ELOVL5: variants seen among roughly 807,000 people sequenced by gnomAD.
The protein encoded by ELOVL5 is ELOVL fatty acid elongase 5, also known as very long chain fatty acid elongase 5.
ELOVL5 carries 8 observed loss-of-function variants against 38.6 expected under a neutral mutation model. The ratio of observed to expected loss-of-function variants is 0.21; its 90% CI spans 0.12 to 0.37. The LOEUF is 0.37. Ranked by LOEUF, ELOVL5 falls within the 10% of genes least tolerant of loss-of-function variation. The probability of loss-of-function intolerance (pLI) is 1.00; values close to 1 mark genes in which losing one functional copy is unlikely to be tolerated. For synonymous variants in ELOVL5, 127 were observed against 133.7 expected (o/e 0.95, Z 0.34); for missense variants, 280 against 367.8 (o/e 0.76, Z 1.95).
chr6:53,339,887 G>A (rs1738279136), intron 1 of ELOVL5, among the ~76,000 whole-genome samples: 1 of 152,158 alleles, frequency 6.6e-6, no homozygotes, highest in African/African-American at 2.4e-5. Flanking sequence ...CCAGAAGAAG[G>A]CATTGTTGTC....
intron 2 of ELOVL5, among the ~76,000 whole-genome samples, chr6:53,293,924 C>T (rs1006053226): frequency 3.3e-5 from 5 of 152,186 alleles, no homozygotes; most frequent in Admixed American, 6.5e-5. Flanking sequence ...AGGGAAATGG[C>T]TGGCCCCAGG....
intron 1 of ELOVL5, among the ~76,000 whole-genome samples, chr6:53,318,332 G>A (rs947545988): frequency 6.6e-6 from 1 of 152,166 alleles, no homozygotes; most frequent in African/African-American, 2.4e-5. Flanking sequence ...GCGAGTACAT[G>A]TCTGAAAACC....
chr6:53,335,404 C>A (rs1255340737), intron 1 of ELOVL5, among the ~76,000 whole-genome samples: 1 of 152,176 alleles, frequency 6.6e-6, no homozygotes, highest in Non-Finnish European at 1.5e-5. Context: ...CTACCTGCCC[C>A]CTTTGCCTCC....
rs575754470 is a variant in ELOVL5 at position 53,291,973 on chromosome 6, T to TA, written c.59-11dup. 8.4e-4 allele frequency: 1,205 copies of TA among 1,436,404 alleles called. 12 individuals carry two copies. In the African/African-American group the frequency reaches 0.015, roughly 18 times the overall value. 89.0% of individuals were successfully genotyped at this position (1,436,404 alleles called of 1,614,324 possible). A position where few individuals can be genotyped will look rare whatever the true frequency, so the allele number is the denominator to read the frequency against. ...CCTTTTACTCTAGTATCTGAAAAAT[T>TA]AAAAAAAATTAATGATATATAAAAA... is the stretch of plus-strand genomic sequence containing the variant. On this transcript the variant is annotated splice_polypyrimidine_tract_variant and intron_variant, in intron 2 of 7. Coordinates refer to ENST00000304434, the MANE Select transcript of ELOVL5 (RefSeq NM_021814.5).
chr6:53,324,268 A>AG (rs1768420598), intron 1 of ELOVL5, among the ~76,000 whole-genome samples: 1 of 130,970 alleles, frequency 7.6e-6, no homozygotes, highest in Non-Finnish European at 1.6e-5. Context: ...AAAAAAAAAA[A>AG]AAAAAAAGAA....
chr6:53,287,960 A>G lies in ELOVL5; in HGVS notation c.246+3816T>C, dbSNP rs6907982. 477,177 of 1,532,990 alleles carry G rather than the reference A, an allele frequency of 0.31. 76,896 individuals carry two copies. The highest frequency in any genetic ancestry group is 0.48 in the African/African-American group (35,215 of 73,008). 95.0% of individuals were successfully genotyped at this position (1,532,990 alleles called of 1,614,324 possible). ...CTTTTGGACTGTAACAAACACAATT[A>G]GATCCTCTCTGCTTAGGGTCTAAGA... On this transcript the variant is annotated intron_variant, in intron 3 of 7. Transcript: ENST00000304434.
intron 6 of ELOVL5, among the ~76,000 whole-genome samples, chr6:53,271,257 AGGGCTAGGCTCAGGCCG>A (rs1279105457): frequency 6.6e-6 from 1 of 152,266 alleles, no homozygotes; most frequent in Non-Finnish European, 1.5e-5. Context: ...TGTTTTAAAA[AGGGCTAGGCTCAGGCCG>A]GGCGTGGTGG....
chr6:53,285,493 T>C (rs1420154365), intron 3 of ELOVL5, among the ~76,000 whole-genome samples: 1 of 152,262 alleles, frequency 6.6e-6, no homozygotes, highest in African/African-American at 2.4e-5. Context: ...TAGCAGCAAG[T>C]GCTGCTATAG....
intron 1 of ELOVL5, among the ~76,000 whole-genome samples, chr6:53,299,407 A>AT (rs1561874267): frequency 6.6e-6 from 1 of 152,210 alleles, no homozygotes; most frequent in Non-Finnish European, 1.5e-5. Context: ...GAAAATACAG[A>AT]TTGGTGGGGC....
At chr6:53,313,681 G>A (rs1381798023) in intron 1 of ELOVL5, among the ~76,000 whole-genome samples, 1 of 152,158 alleles carries the variant, frequency 6.6e-6, no homozygotes, top group African/African-American at 2.4e-5. Flanking sequence ...GTTTTAGACT[G>A]TCAGATTCCA....
chr6:53,316,908 G>A (rs1289374482), intron 1 of ELOVL5, among the ~76,000 whole-genome samples: 2 of 152,098 alleles, frequency 1.3e-5, no homozygotes, highest in African/African-American at 4.8e-5. Context: ...TTCATAACCT[G>A]TTCGATTAGG....
chr6:53,312,176 T>G (rs1183114693), intron 1 of ELOVL5, among the ~76,000 whole-genome samples: 1 of 152,206 alleles, frequency 6.6e-6, no homozygotes, highest in Non-Finnish European at 1.5e-5. Context: ...TATCATGCCA[T>G]AATTCAAATG....
intron 1 of ELOVL5, among the ~76,000 whole-genome samples, chr6:53,323,178 G>A (rs751372702): frequency 6.6e-6 from 1 of 152,124 alleles, no homozygotes; most frequent in East Asian, 1.9e-4. Context: ...ATAGAAAAAT[G>A]CATCAAACTA....
At chr6:53,289,827 TCGGACAAAA>T (rs1255671082) in intron 3 of ELOVL5, among the ~76,000 whole-genome samples, 1 of 152,202 alleles carries the variant, frequency 6.6e-6, no homozygotes, top group African/African-American at 2.4e-5. Flanking sequence ...AGGAGAAAAC[TCGGACAAAA>T]ACCAAATGTG....
intron 3 of ELOVL5, among the ~76,000 whole-genome samples, chr6:53,281,499 G>A (rs1185848130): frequency 1.3e-5 from 2 of 152,178 alleles, no homozygotes; most frequent in African/African-American, 2.4e-5. Flanking sequence ...ACCTCAAACA[G>A]CAGTTCCAAG....
rs576551502 is a variant in ELOVL5, at chr6:53,324,100, A to G, written c.-9+24717T>C. Among the ~76,000 whole-genome samples, 154 of 152,066 alleles carry G rather than the reference A, an allele frequency of 1.0e-3. 1 individual carries two copies. The highest frequency in any genetic ancestry group is 4.3e-3 in the Admixed American group (65 of 15,282). On this transcript the variant is annotated intron_variant, in intron 1 of 7. Transcript: ENST00000304434. ...AAACCATGTCTCTATTAAAAATACA[A>G]AAACTAGCCCGGCATGGTGGCACAC...
At chr6:53,270,774 G>A (rs751501083) in intron 6 of ELOVL5, 47 bp from the exon 7 acceptor site, 105 of 1,604,344 alleles carry the variant, frequency 6.5e-5, no homozygotes, top group Non-Finnish European at 8.2e-5. Flanking sequence ...GTGCATGGAC[G>A]AGGCCCCACA....
At chr6:53,338,010 G>C (rs1473324391) in intron 1 of ELOVL5, among the ~76,000 whole-genome samples, 1 of 152,178 alleles carries the variant, frequency 6.6e-6, no homozygotes, top group Non-Finnish European at 1.5e-5. Context: ...GCCAACAGGG[G>C]AGGTATGTGG....
At chr6:53,310,743 T>C (rs1767796813) in intron 1 of ELOVL5, among the ~76,000 whole-genome samples, 1 of 152,140 alleles carries the variant, frequency 6.6e-6, no homozygotes, top group African/African-American at 2.4e-5. Context: ...ACCCAGCCAA[T>C]CACACAGTTG....
Sources: allele counts gnomAD v4.1 joint callset (sites outside exome capture counted in the v4.1 genomes callset), GRCh38; gene constraint gnomAD v4.1.1; transcripts MANE v1.5; gene names NCBI Gene and HGNC (gene_info 2026-07-23, HGNC 2026-07-21).